The following CAMKK2 variants were observed in gnomAD, a reference collection of about 807,000 sequenced individuals.
CAMKK2 encodes the protein calcium/calmodulin-dependent protein kinase kinase 2.
A neutral mutation model predicts 67.2 loss-of-function variants in CAMKK2; 30 were observed. The ratio of observed to expected loss-of-function variants is 0.45; its 90% confidence interval spans 0.33 to 0.61. The LOEUF (loss-of-function observed/expected upper bound fraction) is 0.61. CAMKK2 is among the 20% of genes least tolerant of loss of function. The pLI is 0.02. For synonymous variants in CAMKK2, 322 were observed against 326.2 expected (o/e 0.99, Z 0.14); for missense variants, 643 against 802.0 (o/e 0.80, Z 2.39).
chr12:121,284,973 T>C (rs1898454689), intron 1 of CAMKK2, among the ~76,000 whole-genome samples: 1 of 152,176 alleles, frequency 6.6e-6, no homozygotes, highest in Admixed American at 6.6e-5. Flanking sequence ...GACTAGAAGT[T>C]GTTGTTTATT....
Position 121,240,917 on chromosome 12 carries a change from C to G in CAMKK2, c.1597-48G>C, listed in dbSNP as rs570612234. The G allele has an allele frequency of 6.3e-7, 1 of 1,596,456 alleles. No individual in the cohort carries two copies. Among genetic ancestry groups the G allele is most frequent in the South Asian group, 1.1e-5 (1 of 89,260 alleles). On this transcript the variant is annotated intron_variant, in intron 16 of 16. Coordinates refer to ENST00000404169, the MANE Select transcript of CAMKK2 (RefSeq NM_001270485.2). The surrounding 1 kb of genome is among the most constrained non-coding windows in gnomAD (Gnocchi z 4.4). Reference sequence around the variant, plus strand: ...ACATTAAGACTCTGAGAAATGCCAGCGAGGCCCTGAGCCAGCTGCTCCCAC... The same window carrying G: ...ACATTAAGACTCTGAGAAATGCCAGGGAGGCCCTGAGCCAGCTGCTCCCAC...
intron 9 of CAMKK2, 66 bp downstream of exon 9, chr12:121,255,484 C>T (rs1892065457): frequency 7.3e-7 from 1 of 1,371,462 alleles, no homozygotes; most frequent in Admixed American, 2.0e-5. Flanking sequence ...ACACTTTCCA[C>T]TTTGCACCCA....
intron 1 of CAMKK2, among the ~76,000 whole-genome samples, chr12:121,279,951 G>C (rs951929830): frequency 6.6e-6 from 1 of 152,262 alleles, no homozygotes; most frequent in Non-Finnish European, 1.5e-5. Flanking sequence ...AGCTGCCAGT[G>C]GGTGCCAAAG....
At chr12:121,278,680 C>T (rs1480794157) in intron 1 of CAMKK2, among the ~76,000 whole-genome samples, 2 of 152,226 alleles carry the variant, frequency 1.3e-5, no homozygotes, top group Non-Finnish European at 2.9e-5. Flanking sequence ...CGGACTTGCT[C>T]CTCCTTGACT....
intron 16 of CAMKK2, chr12:121,243,734 G>A (rs886419311): frequency 8.7e-5 from 38 of 435,070 alleles, no homozygotes; most frequent in African/African-American, 8.0e-4. Flanking sequence ...TAAAGTTGAC[G>A]GTGGTAATGG....
intron 6 of CAMKK2, 25 bp downstream of exon 6, chr12:121,263,781 C>A: frequency 6.3e-7 from 1 of 1,586,352 alleles, no homozygotes; most frequent in South Asian, 1.1e-5. Flanking sequence ...GCCTCCCTCC[C>A]TCCTGGGCGC....
chr12:121,297,493 G>T, upstream of CAMKK2: 1 of 427,526 alleles, frequency 2.3e-6, no homozygotes, highest in Admixed American at 2.6e-5. Context: ...GATGCTTTTT[G>T]TGAAATACAG....
At chr12:121,292,505 G>A (rs1208667260) in intron 1 of CAMKK2, among the ~76,000 whole-genome samples, 1 of 152,160 alleles carries the variant, frequency 6.6e-6, no homozygotes, top group African/African-American at 2.4e-5. Flanking sequence ...CAGCCTGAAA[G>A]AAGATCGGTT....
At position 121,239,356 on chromosome 12, in the gene CAMKK2, C is replaced by T. The variant is rs1186700131; in HGVS notation, c.*1343G>A. On this transcript the variant is annotated 3_prime_UTR_variant, in exon 17 of 17. Transcript: ENST00000404169. The stretch of plus-strand genomic sequence containing the variant: ...GGAAGGAGTCACACTTGAACCTCAA[C>T]CAAACTTCCCAATATCAGTTGGAAG... The T allele has an allele frequency of 6.6e-6, 1 of 152,238 alleles. No homozygotes were observed. Among genetic ancestry groups the T allele is most frequent in the Non-Finnish European group, 1.5e-5 (1 of 68,038 alleles). The allele number at this position is 152,238 out of a possible 1,614,324, so 9.4% of individuals were successfully genotyped here.
intron 1 of CAMKK2, among the ~76,000 whole-genome samples, chr12:121,274,871 G>A (rs1381898839): frequency 2.0e-5 from 3 of 146,494 alleles, no homozygotes; most frequent in South Asian, 2.1e-4. Flanking sequence ...ACAGTGGTGC[G>A]ATCATAGCTC....
intron 9 of CAMKK2, 28 bp downstream of exon 9, chr12:121,255,522 T>TGA: frequency 6.3e-7 from 1 of 1,579,156 alleles, no homozygotes; most frequent in Non-Finnish European, 8.7e-7. Flanking sequence ...ACCCACTGGG[T>TGA]GAGAGCCCTC....
intron 1 of CAMKK2, among the ~76,000 whole-genome samples, chr12:121,279,478 C>G (rs891999244): frequency 6.6e-6 from 1 of 152,168 alleles, no homozygotes; most frequent in Non-Finnish European, 1.5e-5. Flanking sequence ...TGCAAAAAGA[C>G]AATAGTTTAG....
At chr12:121,248,354 T>A (rs1402217170) in intron 14 of CAMKK2, among the ~76,000 whole-genome samples, 1 of 152,192 alleles carries the variant, frequency 6.6e-6, no homozygotes, top group Non-Finnish European at 1.5e-5. Context: ...TCCTCTCCCC[T>A]GATGAGCTCT....
chr12:121,252,729 G>A lies in CAMKK2; in HGVS notation c.1108-15C>T, dbSNP rs1891007661. The A allele has an allele frequency of 6.2e-7, 1 of 1,613,928 alleles. No homozygotes were observed. Among genetic ancestry groups the A allele is most frequent in the African/African-American group, 1.3e-5 (1 of 74,928 alleles). ...ACATCCAAGGCCTGCAAGAAAAAGA[G>A]CTTAGTGTGAGGGCATAAGGGGTGG... On this transcript the variant is annotated splice_polypyrimidine_tract_variant and intron_variant, in intron 10 of 16. Transcript: ENST00000404169.
chr12:121,284,569 C>T (rs1473132925), intron 1 of CAMKK2, among the ~76,000 whole-genome samples: 1 of 152,218 alleles, frequency 6.6e-6, no homozygotes, highest in African/African-American at 2.4e-5. Context: ...AAGTGATCCA[C>T]CTGCCTTGGC....
chr12:121,259,571 T>A (rs965937969), intron 7 of CAMKK2, among the ~76,000 whole-genome samples: 2 of 152,148 alleles, frequency 1.3e-5, no homozygotes, highest in African/African-American at 4.8e-5. Flanking sequence ...TCCCCAAACT[T>A]CATTTATTTG....
rs1023613478 is a variant in CAMKK2, at chr12:121,278,656, C to T, written c.-59-4071G>A. On this transcript the variant is annotated intron_variant, in intron 1 of 16. Coordinates refer to ENST00000404169, the MANE Select transcript of CAMKK2 (RefSeq NM_001270485.2). The stretch of plus-strand genomic sequence containing the variant: ...CTTCCTCATTCTCGCTGCCTGCTGC[C>T]GTCCATGTAAGACCGGACTTGCTCC... 5.9e-5 allele frequency among the ~76,000 whole-genome samples: 9 copies of T among 152,318 alleles called. No individual in the cohort carries two copies. The East Asian group carries it at 1.5e-3, about 26-fold the overall frequency.
chr12:121,278,292 T>C (rs1280248875), intron 1 of CAMKK2, among the ~76,000 whole-genome samples: 1 of 152,222 alleles, frequency 6.6e-6, no homozygotes, highest in African/African-American at 2.4e-5. Flanking sequence ...AAACTCAAGA[T>C]ACCCTGAAGT....
At chr12:121,249,525 G>A (rs1398602336) in intron 13 of CAMKK2, among the ~76,000 whole-genome samples, 1 of 152,188 alleles carries the variant, frequency 6.6e-6, no homozygotes, top group African/African-American at 2.4e-5. Context: ...TCTGCAGAGG[G>A]TGGATCCCAT....
Sources: gnomAD v4.1 joint callset for allele counts (sites outside exome capture counted in the v4.1 genomes callset) on GRCh38, gnomAD v4.1.1 for gene constraint, Gnocchi (gnomAD v3.1) non-coding constraint, MANE v1.5 for transcripts, NCBI Gene and HGNC (gene_info 2026-07-23, HGNC 2026-07-21) for gene names.